Variants in NRXN3 observed in about 807,000 individuals in gnomAD.
NRXN3 encodes the protein neurexin 3, also known as neurexin III.
In NRXN3, 32 loss-of-function variants were observed where a neutral mutation model predicts 137.6. The ratio of observed to expected loss-of-function variants is 0.23; its 90% CI spans 0.18 to 0.31. The LOEUF is 0.31. NRXN3 is among the 10% of genes least tolerant of loss of function. The pLI is 1.00. For synonymous variants in NRXN3, 798 were observed against 784.5 expected, an observed-to-expected ratio of 1.02 and a Z score of -0.29; for missense variants, 1,574 against 2,062.5, an observed-to-expected ratio of 0.76 and a Z score of 4.59.
chr14:79,444,826 T>A (rs2096030818), intron 15 of NRXN3, among the ~76,000 whole-genome samples: 1 of 151,986 alleles, frequency 6.6e-6, no homozygotes, highest in African/African-American at 2.4e-5. Flanking sequence ...ACCTTGTCTC[T>A]AAAAAAATAA....
chr14:79,830,784 A>G (rs1370149710), intron 20 of NRXN3, among the ~76,000 whole-genome samples: 1 of 152,154 alleles, frequency 6.6e-6, no homozygotes, highest in African/African-American at 2.4e-5. Context: ...TCTATTGTCT[A>G]CCTTCTCTCT....
intron 1 of NRXN3, among the ~76,000 whole-genome samples, chr14:78,225,991 GTGT>G (rs2064593451): frequency 4.7e-5 from 7 of 149,150 alleles, no homozygotes; most frequent in African/African-American, 1.5e-4. Flanking sequence ...GTGTGTGTGT[GTGT>G]GTGTGTGTGT....
chr14:79,446,595 A>G (rs2096067268), intron 15 of NRXN3, among the ~76,000 whole-genome samples: 1 of 152,080 alleles, frequency 6.6e-6, no homozygotes, highest in Admixed American at 6.5e-5. Flanking sequence ...TACAGTTCTT[A>G]TAAGGTACCT....
chr14:79,197,492 C>G (rs891057862), intron 15 of NRXN3, among the ~76,000 whole-genome samples: 5 of 151,958 alleles, frequency 3.3e-5, no homozygotes, highest in African/African-American at 1.2e-4. Context: ...GGTAGGAAGA[C>G]TTTTGCGTGG....
chr14:79,133,586 G>A (rs1454851443), intron 15 of NRXN3, among the ~76,000 whole-genome samples: 2 of 152,190 alleles, frequency 1.3e-5, no homozygotes, highest in East Asian at 1.9e-4. Flanking sequence ...GTTTGAGTAT[G>A]TATGTATGCT....
At chr14:78,462,968 C>T (rs1271335648) in intron 4 of NRXN3, among the ~76,000 whole-genome samples, 1 of 152,048 alleles carries the variant, frequency 6.6e-6, no homozygotes, top group Non-Finnish European at 1.5e-5. Flanking sequence ...TACACTGTGC[C>T]CAGTAGGTAA....
chr14:79,475,922 A>T (rs2096555740), intron 16 of NRXN3, among the ~76,000 whole-genome samples: 1 of 152,146 alleles, frequency 6.6e-6, no homozygotes, highest in African/African-American at 2.4e-5. Context: ...GAAGCTTTTT[A>T]GATATATGAA....
intron 4 of NRXN3, among the ~76,000 whole-genome samples, chr14:78,383,720 C>T (rs545747861): frequency 1.3e-5 from 2 of 152,228 alleles, no homozygotes; most frequent in East Asian, 3.9e-4. Context: ...TGGGGTGTAA[C>T]TTTCCTTACC....
chr14:78,684,010 T>A (rs2098102451), intron 6 of NRXN3, among the ~76,000 whole-genome samples: 1 of 152,222 alleles, frequency 6.6e-6, no homozygotes, highest in Non-Finnish European at 1.5e-5. Flanking sequence ...GGAAGGATAA[T>A]GTCATCTATT....
chr14:78,984,795 G>A (rs1010875100), intron 14 of NRXN3, among the ~76,000 whole-genome samples: 7 of 152,282 alleles, frequency 4.6e-5, no homozygotes, highest in Admixed American at 3.3e-4. Flanking sequence ...CATTGTGTTA[G>A]GAACTAAAAA....
chr14:79,546,531 G>C (rs949760750), intron 16 of NRXN3, among the ~76,000 whole-genome samples: 8 of 152,178 alleles, frequency 5.3e-5, no homozygotes, highest in African/African-American at 1.9e-4. Context: ...CAAGTGACTT[G>C]TAAGTGTAAA....
At chr14:78,998,717 G>A (rs1174824490) in intron 15 of NRXN3, among the ~76,000 whole-genome samples, 3 of 149,034 alleles carry the variant, frequency 2.0e-5, no homozygotes, top group Non-Finnish European at 4.4e-5. Context: ...TCCTGCCTCA[G>A]CCTCCTGAAT....
intron 15 of NRXN3, among the ~76,000 whole-genome samples, chr14:79,316,729 C>CCT (rs35515937): frequency 0.23 from 32,007 of 137,756 alleles, 3,556 homozygotes; most frequent in African/African-American, 0.3. Flanking sequence ...CTGTCCTGTC[C>CCT]CTCTCTCTCT....
At position 79,370,468 on chromosome 14, in the gene NRXN3, G is replaced by A. The variant is rs151113050; in HGVS notation, c.3263-96753G>A. Among the ~76,000 whole-genome samples, 1,130 of 151,874 alleles carry A rather than the reference G, an allele frequency of 7.4e-3. 9 individuals are homozygous for A. Among genetic ancestry groups the A allele is most frequent in the African/African-American group, 0.026 (1,059 of 41,408 alleles). The stretch of plus-strand genomic sequence containing the variant: ...CGAGTAGCTGGGATTACAGGCATGC[G>A]CTACCATGCCTGGCTAATTTTGTTT... On this transcript the variant is annotated intron_variant, in intron 15 of 20. Transcript: ENST00000335750.
At chr14:78,323,999 A>G (rs546758304) in intron 4 of NRXN3, among the ~76,000 whole-genome samples, 9 of 152,058 alleles carry the variant, frequency 5.9e-5, no homozygotes, top group Non-Finnish European at 1.0e-4. Flanking sequence ...CAACAACACT[A>G]TGAGCTGGGT....
At chr14:78,188,407 G>A (rs938676767) in intron 1 of NRXN3, among the ~76,000 whole-genome samples, 3 of 152,210 alleles carry the variant, frequency 2.0e-5, no homozygotes, top group Non-Finnish European at 4.4e-5. Flanking sequence ...TAGGGCATTA[G>A]GGATACAGTA....
intron 2 of NRXN3, among the ~76,000 whole-genome samples, chr14:78,251,560 A>T (rs1483193325): frequency 6.6e-6 from 1 of 151,974 alleles, no homozygotes. Flanking sequence ...GTGTGATTTC[A>T]TTTTTTTCTT....
chr14:79,508,666 A>G (rs61995179), intron 16 of NRXN3, among the ~76,000 whole-genome samples: 58,288 of 151,340 alleles, frequency 0.39, 11,220 homozygotes, highest in South Asian at 0.46. Context: ...TGCTGGGATT[A>G]CAGGTGTGAG....
intron 15 of NRXN3, among the ~76,000 whole-genome samples, chr14:79,331,962 T>C (rs1001593172): frequency 3.3e-5 from 5 of 152,106 alleles, no homozygotes; most frequent in Non-Finnish European, 7.4e-5. Flanking sequence ...TTTATTACAT[T>C]CCCAAATGAG....
Sources: allele counts gnomAD v4.1 joint callset (sites outside exome capture counted in the v4.1 genomes callset), GRCh38; gene constraint gnomAD v4.1.1; transcripts MANE v1.5; gene names NCBI Gene and HGNC (gene_info 2026-07-23, HGNC 2026-07-21).